The following CDH2 variants were observed in gnomAD, a reference collection of about 807,000 sequenced individuals.
CDH2 encodes the protein cadherin-2.
In CDH2, 17 loss-of-function variants were observed where a neutral mutation model predicts 92.0. That is an observed-to-expected ratio of 0.18 (90% confidence interval 0.13 to 0.28). The LOEUF is 0.28. Among genes scored for constraint, CDH2 ranks in the 10% least tolerant of loss-of-function variants. CDH2 has a pLI of 1.00. For synonymous variants in CDH2, 419 were observed against 415.9 expected (o/e 1.01, Z -0.09); for missense variants, 862 against 1,133.1 (o/e 0.76, Z 3.44).
chr18:28,001,032 T>C (rs2012750194), intron 7 of CDH2, among the ~76,000 whole-genome samples: 1 of 152,144 alleles, frequency 6.6e-6, no homozygotes, highest in African/African-American at 2.4e-5. Context: ...AAAGGAAGGT[T>C]TTCCATAATT....
chr18:28,171,004 G>A (rs1039180003), intron 1 of CDH2, among the ~76,000 whole-genome samples: 4 of 151,768 alleles, frequency 2.6e-5, no homozygotes, highest in Admixed American at 6.6e-5. Flanking sequence ...CGAGGCAGGC[G>A]GATTCCCTGA....
At chr18:28,101,627 G>T (rs1351999240) in intron 2 of CDH2, among the ~76,000 whole-genome samples, 1 of 152,056 alleles carries the variant, frequency 6.6e-6, no homozygotes, top group Non-Finnish European at 1.5e-5. Context: ...TGAGCAAAAT[G>T]CTATGTTTGC....
In CDH2 at chr18:28,011,977, C is replaced by G. The variant is rs1393676210; in HGVS notation, c.415G>C (p.Glu139Gln). 6.2e-7 allele frequency: 1 copy of G among 1,613,742 alleles called. No homozygotes were observed. Among genetic ancestry groups the G allele is most frequent in the African/African-American group, 1.3e-5 (1 of 75,012 alleles). Residue 139 changes from glutamate to glutamine, a missense_variant, in exon 4 of 16, where the codon GAA (glutamate) becomes CAA (glutamine). Glu to Gln is a conservative substitution (Grantham distance 29, BLOSUM62 2). Coordinates refer to ENST00000269141, the MANE Select transcript of CDH2 (RefSeq NM_001792.5). The part of the protein sequence containing the change: ...EESVKESAEV[E>Q]EIVFPRQFSK... ...AATTGTCTTGGGAACACTATTTCTTCAACTTCTGCTGACTCCTTTACATTA... is the reference window on the plus strand; with the variant it reads ...AATTGTCTTGGGAACACTATTTCTTGAACTTCTGCTGACTCCTTTACATTA...
intron 15 of CDH2, among the ~76,000 whole-genome samples, chr18:27,962,142 T>A (rs1421298565): frequency 6.6e-6 from 1 of 152,308 alleles, no homozygotes; most frequent in African/African-American, 2.4e-5. Flanking sequence ...TTTCTGCAAA[T>A]TCTCCTAACT....
In CDH2 at chr18:27,992,748, G is replaced by A. The variant is rs138990743; in HGVS notation, c.1251C>T (p.Asn417=). ...DKDQPHTPAW[N]AVYRISGGDP... is the part of the protein sequence containing the mutation. ...CTCCGCCACTGATTCTGTACACTGC[G>A]TTCCAGGCTGGTGTATGGGGTTGAT... Residue 417 remains asparagine, a synonymous_variant, in exon 9 of 16, where the codon AAC becomes AAT. Coordinates refer to ENST00000269141, the MANE Select transcript of CDH2 (RefSeq NM_001792.5). The A allele has an allele frequency of 6.9e-5, 112 of 1,613,902 alleles. No homozygotes were observed. Among genetic ancestry groups the A allele is most frequent in the Middle Eastern group, 6.6e-4 (4 of 6,062 alleles).
At chr18:28,169,093 T>C (rs1445778463) in intron 1 of CDH2, among the ~76,000 whole-genome samples, 1 of 152,170 alleles carries the variant, frequency 6.6e-6, no homozygotes, top group East Asian at 1.9e-4. Flanking sequence ...TTTCCTTCCC[T>C]GAAATTAAAA....
intron 1 of CDH2, among the ~76,000 whole-genome samples, chr18:28,166,211 A>C (rs1301023997): frequency 7.0e-6 from 1 of 142,218 alleles, no homozygotes; most frequent in African/African-American, 2.6e-5. Context: ...GACTTATGAA[A>C]ATAAGGAATC....
At chr18:28,057,908 G>A (rs574142277) in intron 2 of CDH2, among the ~76,000 whole-genome samples, 41 of 152,220 alleles carry the variant, frequency 2.7e-4, no homozygotes, top group African/African-American at 9.6e-4. Flanking sequence ...TCATCATGGA[G>A]TAGAAAAAAT....
chr18:28,169,475 C>T (rs112518006), intron 1 of CDH2, among the ~76,000 whole-genome samples: 29 of 152,086 alleles, frequency 1.9e-4, no homozygotes, highest in Non-Finnish European at 4.4e-5. Context: ...AAACTATGCA[C>T]CTTTTAATTT....
intron 2 of CDH2, among the ~76,000 whole-genome samples, chr18:28,104,525 C>G (rs971578011): frequency 3.3e-5 from 5 of 151,376 alleles, no homozygotes; most frequent in African/African-American, 1.2e-4. Context: ...TGGAGCTATT[C>G]TTATTAAGGA....
intron 1 of CDH2, among the ~76,000 whole-genome samples, chr18:28,152,016 T>C (rs2016130621): frequency 1.3e-5 from 2 of 152,224 alleles, no homozygotes; most frequent in Non-Finnish European, 2.9e-5. Flanking sequence ...TTCTTCTTTT[T>C]CTTGCTTAAA....
chr18:28,036,711 G>A, intron 2 of CDH2: 1 of 610,372 alleles, frequency 1.6e-6, no homozygotes, highest in Non-Finnish European at 2.9e-6. Context: ...GAGATTGGGT[G>A]GCTCAAACAG....
chr18:27,958,913 C>A (rs538420045), intron 15 of CDH2, among the ~76,000 whole-genome samples: 125 of 152,288 alleles, frequency 8.2e-4, no homozygotes, highest in African/African-American at 2.9e-3. Flanking sequence ...TGTTTGCCTT[C>A]CCTTCTGGCA....
rs1437252637 is a variant in CDH2 at position 27,972,716 on chromosome 18, A to G, written c.2350-9195T>C. ...CAGGAAGAGGGCCCACAGCAGTTCA[A>G]CTAACATTCTATGAGTGTTGCCAGG... is the stretch of plus-strand genomic sequence containing the variant. On this transcript the variant is annotated intron_variant, in intron 14 of 15. Coordinates refer to ENST00000269141, the MANE Select transcript of CDH2 (RefSeq NM_001792.5). Among the ~76,000 whole-genome samples the G allele has an allele frequency of 2.6e-5, 4 of 152,222 alleles. No homozygotes were observed. The East Asian group carries it at 7.7e-4, about 29-fold the overall frequency.
Position 27,985,239 on chromosome 18 carries a change from T to A in CDH2, c.1976-6A>T, listed in dbSNP as rs765699547. 1 of 1,522,942 alleles carries A rather than the reference T, an allele frequency of 6.6e-7. No homozygotes were observed. The highest frequency in any genetic ancestry group is 9.1e-7 in the Non-Finnish European group (1 of 1,098,964). 94.3% of individuals were successfully genotyped at this position (1,522,942 alleles called of 1,614,324 possible). The stretch of plus-strand genomic sequence containing the variant: ...ATTAAGCTGAGCAAAATCACCTATA[T>A]GAAAAAGGAAAAACATAGTTTGATA... On this transcript the variant is annotated splice_polypyrimidine_tract_variant and splice_region_variant and intron_variant, in intron 12 of 15. Transcript: ENST00000269141.
chr18:28,166,829 C>A (rs1465273714), intron 1 of CDH2, among the ~76,000 whole-genome samples: 5 of 152,012 alleles, frequency 3.3e-5, no homozygotes, highest in Admixed American at 3.3e-4. Flanking sequence ...AAGCCTCTAC[C>A]AACAATCTAG....
intron 2 of CDH2, among the ~76,000 whole-genome samples, chr18:28,054,144 A>G (rs1048510069): frequency 6.6e-6 from 1 of 152,172 alleles, no homozygotes; most frequent in African/African-American, 2.4e-5. Flanking sequence ...ACTGGCTTCC[A>G]TAGGTAGGTA....
intron 1 of CDH2, among the ~76,000 whole-genome samples, chr18:28,175,784 C>T (rs1408857708): frequency 6.6e-6 from 1 of 152,216 alleles, no homozygotes; most frequent in Non-Finnish European, 1.5e-5. Context: ...CCCCTTGCCC[C>T]GAGGGCGACA....
chr18:28,047,499 G>A (rs2014099346), intron 2 of CDH2, among the ~76,000 whole-genome samples: 1 of 152,092 alleles, frequency 6.6e-6, no homozygotes, highest in Non-Finnish European at 1.5e-5. Flanking sequence ...ACAGGAAAAA[G>A]CAGAGTGTTC....
Sources: gnomAD v4.1 joint callset for allele counts (sites outside exome capture counted in the v4.1 genomes callset) on GRCh38, gnomAD v4.1.1 for gene constraint, MANE v1.5 for transcripts, NCBI Gene and HGNC (gene_info 2026-07-23, HGNC 2026-07-21) for gene names.